The following NUP88 variants were observed in gnomAD, a reference collection of about 807,000 sequenced individuals.
NUP88 encodes the protein nucleoporin 88, also known as nuclear pore complex protein Nup88.
NUP88 carries 57 observed loss-of-function variants against 93.9 expected under a neutral mutation model. That is an observed-to-expected ratio of 0.61 (90% CI 0.49 to 0.76). The LOEUF (loss-of-function observed/expected upper bound fraction) is 0.76, where lower values mean the gene tolerates loss of function less well. NUP88 is among the 30% of genes least tolerant of loss of function. The probability of loss-of-function intolerance (pLI) is 0.00; values close to 1 mark genes in which losing one functional copy is unlikely to be tolerated. For synonymous variants in NUP88, 346 were observed against 336.8 expected (o/e 1.03, Z -0.30); for missense variants, 911 against 901.0 (o/e 1.01, Z -0.14).
chr17:5,387,284 C>CAGTTCAGT, intron 14 of NUP88, 102 bp downstream of exon 14: 1 of 1,243,302 alleles, frequency 8.0e-7, no homozygotes, highest in Non-Finnish European at 1.2e-6. Flanking sequence ...GCAGGGGGAT[C>CAGTTCAGT]AGTTCAGTTC....
rs769008094 is a variant in NUP88 at position 5,408,791 on chromosome 17, G to C, written c.799C>G (p.Leu267Val). Residue 267 changes from leucine to valine, a missense_variant, in exon 5 of 17, where the codon CTG becomes GTG. Coordinates refer to ENST00000573584, the MANE Select transcript of NUP88 (RefSeq NM_002532.6). ...TCTCCATTTTCATATAAGATGTACAGTGGGTATGCCACTACTTCATCTTTG... is the reference window on the plus strand; with the variant it reads ...TCTCCATTTTCATATAAGATGTACACTGGGTATGCCACTACTTCATCTTTG... ...NGKDEVVAYP[L>V]YILYENGETF... 3 of 1,613,726 alleles carry C rather than the reference G, an allele frequency of 1.9e-6. No individual in the cohort carries two copies. The highest frequency in any genetic ancestry group is 2.7e-5 in the African/African-American group (2 of 74,902).
intron 3 of NUP88, among the ~76,000 whole-genome samples, chr17:5,413,480 C>T (rs1489782833): frequency 2.6e-5 from 4 of 152,040 alleles, no homozygotes; most frequent in African/African-American, 9.7e-5. Flanking sequence ...TACATAAGGC[C>T]GATCCAGAAA....
At chr17:5,392,559 G>A (rs947148612) in intron 9 of NUP88, among the ~76,000 whole-genome samples, 2 of 152,066 alleles carry the variant, frequency 1.3e-5, no homozygotes, top group South Asian at 4.1e-4. Flanking sequence ...ACACACTACT[G>A]GGCTATACAC....
At chr17:5,406,604 A>ATGGTGAAGTAGGCCAGG (rs1555529468) in intron 5 of NUP88, among the ~76,000 whole-genome samples, 2 of 151,506 alleles carry the variant, frequency 1.3e-5, no homozygotes, top group Non-Finnish European at 2.9e-5. Context: ...AGCCAGGCAG[A>ATGGTGAAGTAGGCCAGG]TGGTGAAGTA....
At chr17:5,416,963 A>T (rs917028381) in intron 1 of NUP88, among the ~76,000 whole-genome samples, 2 of 151,372 alleles carry the variant, frequency 1.3e-5, no homozygotes, top group Non-Finnish European at 2.9e-5. Flanking sequence ...CTGGGACTAC[A>T]GGTGTGCACC....
intron 10 of NUP88, among the ~76,000 whole-genome samples, chr17:5,390,289 AAG>A (rs1490356759): frequency 6.6e-6 from 1 of 152,220 alleles, no homozygotes; most frequent in Non-Finnish European, 1.5e-5. Context: ...GGTGTTTAAA[AAG>A]TATGCTGAGG....
chr17:5,415,533 C>T (rs189179353), intron 2 of NUP88, among the ~76,000 whole-genome samples: 140 of 152,256 alleles, frequency 9.2e-4, no homozygotes, highest in Non-Finnish European at 1.2e-3. Flanking sequence ...GGGGACTCAA[C>T]TTATAAGTTG....
chr17:5,399,532 CAGAG>C lies in NUP88; in HGVS notation c.1291+16_1291+19del. 1 of 1,262,962 alleles carries C rather than the reference CAGAG, an allele frequency of 7.9e-7. No individual in the cohort carries two copies. Among genetic ancestry groups the C allele is most frequent in the South Asian group, 1.3e-5 (1 of 79,750 alleles). The allele number at this position is 1,262,962 out of a possible 1,614,324, so 78.2% of individuals were successfully genotyped here. A position where few individuals can be genotyped will look rare whatever the true frequency, so the allele number is the denominator to read the frequency against. ...TTTCCTCTGAAATCTATTAAAAGTG[CAGAG>C]AGTTAGTAAACTCACCTGATCCAAG... is the stretch of plus-strand genomic sequence containing the variant. On this transcript the variant is annotated intron_variant, in intron 8 of 16. Coordinates refer to ENST00000573584, the MANE Select transcript of NUP88 (RefSeq NM_002532.6).
chr17:5,419,624 G>T lies in NUP88; in HGVS notation c.27C>A (p.Gly9=), dbSNP rs1453242588. 3.1e-6 allele frequency: 5 copies of T among 1,594,446 alleles called. No homozygotes were observed. In the East Asian group the frequency reaches 6.7e-5, roughly 21 times the overall value. The change falls in exon 1 of 17, where the codon GGC becomes GGA. Residue 9 remains glycine, a synonymous_variant. Transcript: ENST00000573584. The part of the protein sequence containing the change: MAAAEGPV[G]DGELWQTWLP... ...GCCAGGTCTGCCACAGCTCGCCGTC[G>T]CCCACCGGTCCCTCGGCGGCCGCCA...
chr17:5,391,039 A>T lies in NUP88; in HGVS notation c.1484+522T>A, dbSNP rs191722292. Among the ~76,000 whole-genome samples the T allele has an allele frequency of 8.1e-4, 124 of 152,248 alleles. 1 individual carries two copies. Among genetic ancestry groups the T allele is most frequent in the African/African-American group, 2.2e-3 (92 of 41,538 alleles). ...CCCTCAGGCTGGCAGAGATGGAGAA[A>T]TTAAAGAGTATGAGTATGGACTTCT... On this transcript the variant is annotated intron_variant, in intron 10 of 16. Coordinates refer to ENST00000573584, the MANE Select transcript of NUP88 (RefSeq NM_002532.6).
At chr17:5,405,944 G>A (rs1050747558) in intron 5 of NUP88, among the ~76,000 whole-genome samples, 4 of 152,068 alleles carry the variant, frequency 2.6e-5, no homozygotes, top group Admixed American at 6.6e-5. Flanking sequence ...ACTATGCCTC[G>A]TTTTAACTAC....
Position 5,419,591 on chromosome 17 carries a change from G to T in NUP88, c.60C>A (p.Asn20Lys), listed in dbSNP as rs1229779471. ...DGELWQTWLP[N>K]HVVFLRLREG... is the part of the protein sequence containing the mutation. ...CCCGGAGCCGCAAGAACACGACGTG[G>T]TTAGGAAGCCAGGTCTGCCACAGCT... Residue 20 changes from asparagine to lysine, a missense_variant, in exon 1 of 17, where the codon AAC (asparagine) becomes AAA (lysine). Transcript: ENST00000573584. 3 of 1,606,510 alleles carry T rather than the reference G, an allele frequency of 1.9e-6. No homozygotes were observed. Among genetic ancestry groups the T allele is most frequent in the East Asian group, 4.5e-5 (2 of 44,694 alleles).
At chr17:5,413,604 T>C (rs1368912292) in intron 3 of NUP88, among the ~76,000 whole-genome samples, 2 of 152,060 alleles carry the variant, frequency 1.3e-5, no homozygotes, top group Non-Finnish European at 2.9e-5. Context: ...ATTTAAAAGA[T>C]TGGAAACTGA....
chr17:5,409,720 A>C (rs182103479), intron 4 of NUP88, among the ~76,000 whole-genome samples: 1 of 152,252 alleles, frequency 6.6e-6, no homozygotes, highest in African/African-American at 2.4e-5. Context: ...AAGATGGAAC[A>C]TAAACTCAGA....
Position 5,386,734 on chromosome 17 carries a change from C to T in NUP88, c.2136G>A (p.Lys712=). ...CCTCTTTCAGGATGGACTGAATGCA[C>T]TTTCGCTGGTAGGCACTGAGAATAA... The part of the protein sequence containing the change: ...PTIILSAYQR[K]CIQSILKEEG... Residue 712 remains lysine, a synonymous_variant, in exon 16 of 17, where the codon AAG becomes AAA. Coordinates refer to ENST00000573584, the MANE Select transcript of NUP88 (RefSeq NM_002532.6). 6.2e-7 allele frequency: 1 copy of T among 1,612,708 alleles called. No homozygotes were observed. The highest frequency in any genetic ancestry group is 8.5e-7 in the Non-Finnish European group (1 of 1,178,726).
At chr17:5,390,653 G>C (rs1378939260) in intron 10 of NUP88, among the ~76,000 whole-genome samples, 1 of 152,020 alleles carries the variant, frequency 6.6e-6, no homozygotes, top group African/African-American at 2.4e-5. Flanking sequence ...AGTGATTACA[G>C]CTTAATTATC....
intron 1 of NUP88, among the ~76,000 whole-genome samples, chr17:5,417,050 C>T (rs1266489050): frequency 6.6e-6 from 1 of 152,042 alleles, no homozygotes; most frequent in African/African-American, 2.4e-5. Flanking sequence ...GGTCTGAACA[C>T]CTGTTCCCGT....
intron 1 of NUP88, 46 bp from the exon 2 acceptor site, chr17:5,416,728 A>AT: frequency 6.8e-7 from 1 of 1,466,746 alleles, no homozygotes; most frequent in Non-Finnish European, 9.3e-7. Context: ...TTTAATTTAA[A>AT]TATAGGTGGC....
At chr17:5,400,418 C>T (rs1191454735) in intron 7 of NUP88, among the ~76,000 whole-genome samples, 1 of 151,548 alleles carries the variant, frequency 6.6e-6, no homozygotes, top group Non-Finnish European at 1.5e-5. Flanking sequence ...ATCACTTGAA[C>T]CCGGGAGGTG....
Sources: allele counts gnomAD v4.1 joint callset (sites outside exome capture counted in the v4.1 genomes callset), GRCh38; gene constraint gnomAD v4.1.1; transcripts MANE v1.5; gene names NCBI Gene and HGNC (gene_info 2026-07-23, HGNC 2026-07-21).